The following ROR1 variants were observed in gnomAD, a reference collection of about 807,000 sequenced individuals.
ROR1 encodes the protein inactive tyrosine-protein kinase transmembrane receptor ROR1.
In ROR1, 19 loss-of-function variants were observed where a neutral mutation model predicts 78.8. The ratio of observed to expected loss-of-function variants is 0.24; its 90% CI spans 0.17 to 0.35. ROR1 has a LOEUF of 0.35. Among genes scored for constraint, ROR1 ranks in the 10% least tolerant of loss-of-function variants. ROR1 has a pLI of 1.00. For synonymous variants in ROR1, 386 were observed against 433.6 expected (o/e 0.89, Z 1.36); for missense variants, 917 against 1,177.8 (o/e 0.78, Z 3.24).
chr1:64,136,031 T>G (rs1649088831), intron 4 of ROR1, among the ~76,000 whole-genome samples: 1 of 152,204 alleles, frequency 6.6e-6, no homozygotes, highest in African/African-American at 2.4e-5. Flanking sequence ...CCGCAGTGCC[T>G]CTTACGATGT....
At chr1:63,999,516 A>G (rs1199808696) in intron 1 of ROR1, among the ~76,000 whole-genome samples, 2 of 152,104 alleles carry the variant, frequency 1.3e-5, no homozygotes, top group Non-Finnish European at 2.9e-5. Flanking sequence ...CCAGGCCCCT[A>G]TTGCAGCATT....
At chr1:64,139,911 T>G (rs1025665454) in intron 5 of ROR1, among the ~76,000 whole-genome samples, 198 bp from the exon 6 acceptor site, 1 of 152,232 alleles carries the variant, frequency 6.6e-6, no homozygotes, top group African/African-American at 2.4e-5. Context: ...TTATTAACTT[T>G]GTAGTCAAAA....
chr1:63,888,063 G>A (rs1645369184), intron 1 of ROR1, among the ~76,000 whole-genome samples: 1 of 152,156 alleles, frequency 6.6e-6, no homozygotes, highest in South Asian at 2.1e-4. Flanking sequence ...TTAACCTAGA[G>A]CAGGCCTATG....
chr1:63,868,619 C>T (rs1645231792), intron 1 of ROR1, among the ~76,000 whole-genome samples: 1 of 152,174 alleles, frequency 6.6e-6, no homozygotes, highest in Admixed American at 6.5e-5. Context: ...AAGGGCCTGG[C>T]CTAGAGTTAG....
At chr1:63,791,343 G>T (rs140525257) in intron 1 of ROR1, among the ~76,000 whole-genome samples, 3 of 152,068 alleles carry the variant, frequency 2.0e-5, no homozygotes, top group African/African-American at 7.2e-5. Flanking sequence ...TGACTCAGGG[G>T]AGTCACCTTT....
intron 1 of ROR1, among the ~76,000 whole-genome samples, chr1:63,998,155 T>G (rs1438541084): frequency 1.3e-5 from 2 of 152,096 alleles, no homozygotes; most frequent in Non-Finnish European, 2.9e-5. Context: ...AAAGAAAGCA[T>G]GAGACATGAC....
At chr1:64,133,390 G>T (rs896168266) in intron 4 of ROR1, among the ~76,000 whole-genome samples, 4 of 152,190 alleles carry the variant, frequency 2.6e-5, no homozygotes, top group African/African-American at 9.6e-5. Flanking sequence ...CTCTGCAGTG[G>T]TTCCTAGATG....
rs116228591 is a variant in ROR1, at chr1:64,036,076, A to G, written c.164-13615A>G. On this transcript the variant is annotated intron_variant, in intron 2 of 8. Transcript: ENST00000371079. ...CCCTAGAAGGTTTGAGTTGGGAACA[A>G]ACCTCAGAGATCTCCTAGCCTTATC... Among the ~76,000 whole-genome samples the G allele has an allele frequency of 4.2e-3, 640 of 152,326 alleles. 4 individuals carry two copies. Among genetic ancestry groups the G allele is most frequent in the African/African-American group, 0.014 (596 of 41,582 alleles).
In ROR1 at chr1:63,872,589, T is replaced by A. The variant is rs115824333; in HGVS notation, c.91+98081T>A. On this transcript the variant is annotated intron_variant, in intron 1 of 8. Transcript: ENST00000371079. ...AGATATACACACCACCAAGTTGAATTCCTCTCAGATTTGTCCAAGGCCACC... is the reference window on the plus strand; with the variant it reads ...AGATATACACACCACCAAGTTGAATACCTCTCAGATTTGTCCAAGGCCACC... Among the ~76,000 whole-genome samples, 165 of 152,298 alleles carry A rather than the reference T, an allele frequency of 1.1e-3. 1 individual carries two copies. Among genetic ancestry groups the A allele is most frequent in the African/African-American group, 3.8e-3 (159 of 41,572 alleles).
intron 4 of ROR1, among the ~76,000 whole-genome samples, chr1:64,100,891 C>A (rs904665738): frequency 2.6e-5 from 4 of 152,148 alleles, no homozygotes; most frequent in Non-Finnish European, 5.9e-5. Flanking sequence ...TGGAATAGAT[C>A]GTTCATAAGA....
intron 2 of ROR1, among the ~76,000 whole-genome samples, chr1:64,019,588 C>T (rs1026469114): frequency 1.1e-4 from 16 of 152,154 alleles, no homozygotes; most frequent in South Asian, 2.1e-4. Flanking sequence ...TTATGGACAT[C>T]GGGAGTAACA....
intron 1 of ROR1, among the ~76,000 whole-genome samples, chr1:63,959,980 C>G (rs916391837): frequency 6.6e-6 from 1 of 152,202 alleles, no homozygotes; most frequent in Admixed American, 6.5e-5. Context: ...ACGAGAAGGC[C>G]TCTCTAATCC....
chr1:64,008,854 C>G (rs748375557), intron 1 of ROR1, among the ~76,000 whole-genome samples: 2 of 151,958 alleles, frequency 1.3e-5, no homozygotes, highest in Non-Finnish European at 2.9e-5. Context: ...AGGCTGGTCT[C>G]GAACTCCTGA....
intron 1 of ROR1, among the ~76,000 whole-genome samples, chr1:63,970,992 G>T (rs556419930): frequency 6.6e-6 from 1 of 152,146 alleles, no homozygotes; most frequent in African/African-American, 2.4e-5. Flanking sequence ...GGCTAATAAG[G>T]CATTTGCAAT....
At chr1:64,156,275 G>A (rs924955682) in intron 7 of ROR1, among the ~76,000 whole-genome samples, 15 of 152,210 alleles carry the variant, frequency 9.9e-5, no homozygotes, top group Admixed American at 6.5e-4. Context: ...ATTATTCAGA[G>A]GTTTCTGACT....
chr1:64,141,300 T>G (rs1359295), intron 6 of ROR1, among the ~76,000 whole-genome samples: 29,039 of 152,098 alleles, frequency 0.19, 3,536 homozygotes, highest in East Asian at 0.52. Context: ...ACAGGGAGTA[T>G]AGCAGCTTCT....
intron 1 of ROR1, among the ~76,000 whole-genome samples, chr1:63,918,606 T>G (rs1645628642): frequency 6.6e-6 from 1 of 152,204 alleles, no homozygotes; most frequent in Non-Finnish European, 1.5e-5. Flanking sequence ...ATTTAGGAGC[T>G]TGGTAAAAAC....
chr1:63,846,192 G>T (rs960351610), intron 1 of ROR1, among the ~76,000 whole-genome samples: 17 of 146,192 alleles, frequency 1.2e-4, no homozygotes, highest in Admixed American at 4.2e-4. Context: ...AGCAGCTGTG[G>T]TTCTTGCTTT....
chr1:63,933,207 C>G (rs1010227397), intron 1 of ROR1, among the ~76,000 whole-genome samples: 6 of 152,182 alleles, frequency 3.9e-5, no homozygotes, highest in African/African-American at 1.4e-4. Context: ...GACAGGGCAG[C>G]ATAGTAGTGG....
Sources: gnomAD v4.1 joint callset for allele counts (sites outside exome capture counted in the v4.1 genomes callset) on GRCh38, gnomAD v4.1.1 for gene constraint, MANE v1.5 for transcripts, NCBI Gene and HGNC (gene_info 2026-07-23, HGNC 2026-07-21) for gene names.